Variants in LYRM1 observed in about 807,000 individuals in gnomAD.
LYRM1 encodes the protein LYR motif containing 1.
LYRM1 carries 14 observed loss-of-function variants against 14.9 expected under a neutral mutation model. That is an observed-to-expected ratio of 0.94 (90% confidence interval 0.62 to 1.47). The LOEUF (loss-of-function observed/expected upper bound fraction) is 1.47, where lower values mean the gene tolerates loss of function less well. LYRM1 is among the 40% of genes most tolerant of loss of function. The pLI, the probability that LYRM1 is intolerant of heterozygous loss-of-function variation, is 0.00. For synonymous variants in LYRM1, 43 were observed against 56.2 expected (o/e 0.77, Z 1.05); for missense variants, 153 against 149.9 (o/e 1.02, Z -0.11).
At chr16:20,903,754 C>T (rs536220309) in intron 1 of LYRM1, among the ~76,000 whole-genome samples, 16 of 151,576 alleles carry the variant, frequency 1.1e-4, no homozygotes, top group South Asian at 6.3e-4. Flanking sequence ...GCCTGGACCC[C>T]TGCACAGAAT....
At position 20,915,571 on chromosome 16, in the gene LYRM1, C is replaced by T. The variant is rs370705139; in HGVS notation, c.16C>T (p.Arg6Ter). 9.9e-6 allele frequency: 16 copies of T among 1,613,804 alleles called. No homozygotes were observed. Among genetic ancestry groups the T allele is most frequent in the Middle Eastern group, 1.6e-4 (1 of 6,062 alleles). The part of the protein sequence containing the change: MTTAT[R>*]QEVLGLYRSI... ...GGGTCTGAAGATGACAACGGCAACA[C>T]GACAAGAAGTCCTTGGCCTCTACCG... Residue 6 changes from arginine (R) to a stop codon, truncating the protein, a stop_gained, in exon 2 of 4, where the codon CGA becomes TGA. Coordinates refer to ENST00000567954, the MANE Select transcript of LYRM1 (RefSeq NM_001128302.3). LOFTEE classifies it high-confidence loss of function.
intron 1 of LYRM1, among the ~76,000 whole-genome samples, chr16:20,911,800 A>T (rs918896018): frequency 5.3e-5 from 8 of 151,984 alleles, no homozygotes; most frequent in Non-Finnish European, 1.0e-4. Flanking sequence ...GTCTCTTTAT[A>T]TTGCCCAGGC....
At chr16:20,916,350 A>C (rs528804176) in intron 2 of LYRM1, among the ~76,000 whole-genome samples, 1 of 152,208 alleles carries the variant, frequency 6.6e-6, no homozygotes, top group Admixed American at 6.5e-5. Context: ...AGCTCCGGGG[A>C]AGACCTCCCG....
rs964948438 is a variant in LYRM1, at chr16:20,901,231, C to A, written c.-1+342C>A. ...GGGCGAGAGGTGTCTGGCTGGGGAA[C>A]GTTGACCCACACCAGGTCCCGTACA... On this transcript the variant is annotated intron_variant, in intron 1 of 3. Transcript: ENST00000567954. The surrounding 1 kb of genome is among the most constrained non-coding windows in gnomAD (Gnocchi z 4.6). The A allele has an allele frequency of 6.6e-6, 1 of 152,360 alleles. No individual in the cohort carries two copies. Among genetic ancestry groups the A allele is most frequent in the South Asian group, 2.1e-4 (1 of 4,864 alleles). The allele number at this position is 152,360 out of a possible 1,614,324, so 9.4% of individuals were successfully genotyped here.
intron 1 of LYRM1, among the ~76,000 whole-genome samples, chr16:20,904,472 C>G (rs1019713492): frequency 6.6e-6 from 1 of 152,088 alleles, no homozygotes; most frequent in African/African-American, 2.4e-5. Context: ...AAATGCCATC[C>G]ACCCTCTCCT....
intron 3 of LYRM1, among the ~76,000 whole-genome samples, chr16:20,923,508 AAAAAAG>A (rs1405744924): frequency 4.0e-5 from 6 of 151,170 alleles, no homozygotes; most frequent in African/African-American, 1.5e-4. Flanking sequence ...CAAAAAAAAA[AAAAAAG>A]AAAGAAAGAA....
intron 1 of LYRM1, among the ~76,000 whole-genome samples, chr16:20,903,255 A>G (rs1212679856): frequency 6.6e-6 from 1 of 152,234 alleles, no homozygotes; most frequent in African/African-American, 2.4e-5. Context: ...CAATCTGACA[A>G]CACCAGCCTG....
intron 2 of LYRM1, among the ~76,000 whole-genome samples, chr16:20,919,118 C>T (rs575738314): frequency 2.0e-5 from 3 of 152,170 alleles, no homozygotes; most frequent in Non-Finnish European, 4.4e-5. Flanking sequence ...TCCTACTTGG[C>T]TGTTTTTCAG....
At chr16:20,904,694 TGTGTGTG>T (rs1567442572) in intron 1 of LYRM1, among the ~76,000 whole-genome samples, 45 of 147,056 alleles carry the variant, frequency 3.1e-4, no homozygotes, top group African/African-American at 1.1e-3. Context: ...TCTGTGGTTG[TGTGTGTG>T]TGTGTGTGTG....
intron 1 of LYRM1, among the ~76,000 whole-genome samples, chr16:20,910,798 A>G (rs2152538159): frequency 6.6e-6 from 1 of 152,290 alleles, no homozygotes; most frequent in African/African-American, 2.4e-5. Context: ...ACAACAACAA[A>G]AAACCTTGCT....
At chr16:20,908,075 T>C (rs2082411454) in intron 1 of LYRM1, among the ~76,000 whole-genome samples, 1 of 152,090 alleles carries the variant, frequency 6.6e-6, no homozygotes, top group Non-Finnish European at 1.5e-5. Flanking sequence ...AGTAGCACTG[T>C]AGTGAGCCCC....
At chr16:20,911,584 G>C (rs1174658443) in intron 1 of LYRM1, among the ~76,000 whole-genome samples, 1 of 152,012 alleles carries the variant, frequency 6.6e-6, no homozygotes, top group East Asian at 1.9e-4. Flanking sequence ...CACCAAATCT[G>C]CCCTCCTTGT....
intron 2 of LYRM1, among the ~76,000 whole-genome samples, chr16:20,916,806 TGCCCAC>T (rs1340787102): frequency 6.6e-6 from 1 of 152,206 alleles, no homozygotes; most frequent in Non-Finnish European, 1.5e-5. Context: ...AATATTTGAT[TGCCCAC>T]TATGTGCCAA....
intron 1 of LYRM1, among the ~76,000 whole-genome samples, chr16:20,903,357 G>A (rs2082160248): frequency 6.6e-6 from 1 of 152,174 alleles, no homozygotes; most frequent in Non-Finnish European, 1.5e-5. Flanking sequence ...TTGCCAAAAA[G>A]GCCTCTCCTC....
At chr16:20,919,373 A>T (rs894992363) in intron 2 of LYRM1, among the ~76,000 whole-genome samples, 2 of 152,166 alleles carry the variant, frequency 1.3e-5, no homozygotes, top group African/African-American at 2.4e-5. Flanking sequence ...TGTCGGTGAG[A>T]ATATAATTTA....
chr16:20,901,513 G>T lies in LYRM1; in HGVS notation c.-1+624G>T, dbSNP rs2082051692. Among the ~76,000 whole-genome samples the T allele has an allele frequency of 6.6e-6, 1 of 152,212 alleles. No individual in the cohort carries two copies. Among genetic ancestry groups the T allele is most frequent in the Admixed American group, 6.5e-5 (1 of 15,290 alleles). ...GTTTTGCGGGGATCCGAGACAATGG[G>T]TTTTCTGGGTGGAGAGAAGAGCCAA... On this transcript the variant is annotated intron_variant, in intron 1 of 3. Transcript: ENST00000567954. This position sits in a 1 kb window ranked among gnomAD's most constrained non-coding sequence, Gnocchi z 4.6.
In LYRM1 at chr16:20,922,730, C is replaced by T. The variant is rs753486285; in HGVS notation, c.253-1270C>T. Among the ~76,000 whole-genome samples, 10 of 152,236 alleles carry T rather than the reference C, an allele frequency of 6.6e-5. No homozygotes were observed. The East Asian group carries it at 9.7e-4, about 15-fold the overall frequency. ...GTCTCAAACTCCTGACTTGGTGATC[C>T]GCCCACCTCAGCTTCCCAAAGTGCT... On this transcript the variant is annotated intron_variant, in intron 3 of 3. Transcript: ENST00000567954.
Position 20,915,673 on chromosome 16 carries a change from A to C in LYRM1, c.118A>C (p.Ile40Leu). The change falls in exon 2 of 4, where the codon ATA becomes CTA. Residue 40 changes from isoleucine (I) to leucine (L), a missense_variant. Transcript: ENST00000567954. ...MEDTIKEKQY[I>L]LNEARTLFRK... ...AGACACCATCAAAGAAAAACAGTAC[A>C]TACTAAATGAAGCCAGAACGCTGTT... is the stretch of plus-strand genomic sequence containing the variant. 6.2e-7 allele frequency: 1 copy of C among 1,614,180 alleles called. No individual in the cohort carries two copies. Among genetic ancestry groups the C allele is most frequent in the South Asian group, 1.1e-5 (1 of 91,090 alleles).
chr16:20,904,031 C>A (rs115934064), intron 1 of LYRM1, among the ~76,000 whole-genome samples: 7 of 152,044 alleles, frequency 4.6e-5, no homozygotes, highest in Non-Finnish European at 8.8e-5. Context: ...CCAGCCCCCC[C>A]ACCACATCTC....
Sources: gnomAD v4.1 joint callset for allele counts (sites outside exome capture counted in the v4.1 genomes callset) on GRCh38, gnomAD v4.1.1 for gene constraint, Gnocchi (gnomAD v3.1) non-coding constraint, MANE v1.5 for transcripts, NCBI Gene and HGNC (gene_info 2026-07-23, HGNC 2026-07-21) for gene names.